The following UGT2A1 variants were observed in gnomAD, a reference collection of about 807,000 sequenced individuals.
UGT2A1 encodes the protein UDP glucuronosyltransferase family 2 member A1 complex locus.
UGT2A1 carries 61 observed loss-of-function variants against 45.4 expected under a neutral mutation model. The observed-to-expected ratio is 1.34, with a 90% CI of 1.09 to 1.66. The LOEUF (loss-of-function observed/expected upper bound fraction) is 1.66, where lower values mean the gene tolerates loss of function less well. Among genes scored for constraint, UGT2A1 ranks in the 40% most tolerant of loss-of-function variants. The pLI, the probability that UGT2A1 is intolerant of heterozygous loss-of-function variation, is 0.00. For missense variants in UGT2A1, 649 were observed against 574.3 expected, an observed-to-expected ratio of 1.13 and a Z score of -1.33; for synonymous variants, 229 against 196.2, an observed-to-expected ratio of 1.17 and a Z score of -1.40.
Position 69,594,460 on chromosome 4 carries a change from G to A in UGT2A1, c.1304+17C>T. 11 of 1,607,900 alleles carry A rather than the reference G, an allele frequency of 6.8e-6. No individual in the cohort carries two copies. The highest frequency in any genetic ancestry group is 9.3e-6 in the Non-Finnish European group (11 of 1,177,888). On this transcript the variant is annotated intron_variant, in intron 6 of 6. Transcript: ENST00000286604. ...GTAATTAAAGTTAGGCAAGTTTTTA[G>A]GAGCCTTAGTACTTACGAAGGTTCA...
chr4:69,607,811 A>G (rs1190007875), intron 3 of UGT2A1, among the ~76,000 whole-genome samples: 1 of 152,230 alleles, frequency 6.6e-6, no homozygotes, highest in African/African-American at 2.4e-5. Flanking sequence ...CAAAAGACAC[A>G]TGAAAAAATG....
At chr4:69,651,538 A>G (rs1011191490) in intron 1 of UGT2A1, among the ~76,000 whole-genome samples, 2 of 152,218 alleles carry the variant, frequency 1.3e-5, no homozygotes, top group Non-Finnish European at 2.9e-5. Context: ...TGATAATAAA[A>G]TATATACTTT....
At chr4:69,609,008 A>G (rs1719859002) in intron 3 of UGT2A1, among the ~76,000 whole-genome samples, 1 of 152,076 alleles carries the variant, frequency 6.6e-6, no homozygotes. Context: ...AAAATTATAA[A>G]GAGTATGATT....
At chr4:69,611,649 A>G (rs1720066068) in intron 3 of UGT2A1, among the ~76,000 whole-genome samples, 1 of 152,100 alleles carries the variant, frequency 6.6e-6, no homozygotes, top group African/African-American at 2.4e-5. Flanking sequence ...AAACTATGGG[A>G]TTATTTTTCA....
At chr4:69,649,678 CA>C (rs1288957872) in intron 1 of UGT2A1, among the ~76,000 whole-genome samples, 1 of 152,066 alleles carries the variant, frequency 6.6e-6, no homozygotes, top group African/African-American at 2.4e-5. Context: ...TTGTAACCAG[CA>C]AAAGACATAT....
chr4:69,608,273 A>T (rs1410711788), intron 3 of UGT2A1, among the ~76,000 whole-genome samples: 1 of 152,098 alleles, frequency 6.6e-6, no homozygotes. Flanking sequence ...CTTTGCAGGG[A>T]CATGGATGAA....
intron 2 of UGT2A1, among the ~76,000 whole-genome samples, chr4:69,637,916 C>T (rs1307093288): frequency 1.5e-5 from 2 of 136,404 alleles, no homozygotes; most frequent in African/African-American, 5.8e-5. Context: ...GGAAGGCAGG[C>T]AGGCAGGCAG....
At chr4:69,616,115 C>T (rs62306197) in intron 3 of UGT2A1, among the ~76,000 whole-genome samples, 21,314 of 151,706 alleles carry the variant, frequency 0.14, 1,700 homozygotes, top group Non-Finnish European at 0.18. Flanking sequence ...ATAAGCCAGG[C>T]GCGGAAAGAC....
At chr4:69,615,798 C>T (rs1720344374) in intron 3 of UGT2A1, among the ~76,000 whole-genome samples, 1 of 151,946 alleles carries the variant, frequency 6.6e-6, no homozygotes, top group Admixed American at 6.6e-5. Flanking sequence ...AACCCTTGTG[C>T]ACTGTTGGTG....
In UGT2A1 at chr4:69,596,670, T is replaced by C. The variant is rs374514392; in HGVS notation, c.997-1421A>G. Reference sequence around the variant, plus strand: ...CTGAGTAACTGGGATTATAGTCTCATGCCATCGTGTCTGGCTGAGTTTTGT... The same window carrying C: ...CTGAGTAACTGGGATTATAGTCTCACGCCATCGTGTCTGGCTGAGTTTTGT... On this transcript the variant is annotated intron_variant, in intron 4 of 6. Coordinates refer to ENST00000286604, the MANE Select transcript of UGT2A1 (RefSeq NM_001252275.3). Among the ~76,000 whole-genome samples, 9 of 152,266 alleles carry C rather than the reference T, an allele frequency of 5.9e-5. No individual in the cohort carries two copies. The South Asian group carries it at 6.2e-4, about 11-fold the overall frequency.
At chr4:69,612,307 C>A (rs866444099) in intron 3 of UGT2A1, among the ~76,000 whole-genome samples, 1 of 151,948 alleles carries the variant, frequency 6.6e-6, no homozygotes, top group Non-Finnish European at 1.5e-5. Context: ...AAATCAGTAT[C>A]GTTAAAATGG....
rs1409689683 is a variant in UGT2A1 at position 69,588,570 on chromosome 4, AATG to A, written c.*799_*801del. ...TACAGTTGACTAAAAATTTTATAAAAATGATAATTATTTTCTAGATTTCTAATT... is the reference window on the plus strand; with the variant it reads ...TACAGTTGACTAAAAATTTTATAAAAATAATTATTTTCTAGATTTCTAATT... On this transcript the variant is annotated 3_prime_UTR_variant, in exon 7 of 7. Transcript: ENST00000286604. 3 of 152,118 alleles carry A rather than the reference AATG, an allele frequency of 2.0e-5. No individual in the cohort carries two copies. Among genetic ancestry groups the A allele is most frequent in the African/African-American group, 7.2e-5 (3 of 41,454 alleles). The allele number at this position is 152,118 out of a possible 1,614,324, so 9.4% of individuals were successfully genotyped here. A position where few individuals can be genotyped will look rare whatever the true frequency, so the allele number is the denominator to read the frequency against.
At chr4:69,629,811 C>A in intron 3 of UGT2A1, among the ~76,000 whole-genome samples, 1 of 152,036 alleles carries the variant, frequency 6.6e-6, no homozygotes, top group East Asian at 1.9e-4. Flanking sequence ...GAACCATAAC[C>A]ATGAGCCTAG....
intron 2 of UGT2A1, among the ~76,000 whole-genome samples, 156 bp from the exon 3 acceptor site, chr4:69,635,978 A>C (rs1721682132): frequency 6.6e-6 from 1 of 152,048 alleles, no homozygotes; most frequent in Admixed American, 6.6e-5. Context: ...AATTCCTGAT[A>C]TCCCTGTTCC....
intron 3 of UGT2A1, among the ~76,000 whole-genome samples, chr4:69,600,865 G>C (rs1296538974): frequency 1.3e-5 from 2 of 151,752 alleles, no homozygotes; most frequent in African/African-American, 4.8e-5. Context: ...AGAGTACCAA[G>C]GGAGGATGGC....
intron 4 of UGT2A1, among the ~76,000 whole-genome samples, chr4:69,595,458 T>C (rs1437793999): frequency 6.6e-6 from 1 of 152,254 alleles, no homozygotes; most frequent in Admixed American, 6.5e-5. Flanking sequence ...TATAGTATTA[T>C]TGTTTTGATA....
intron 1 of UGT2A1, 33 bp downstream of exon 1, chr4:69,653,155 T>C (rs553749758): frequency 6.6e-6 from 1 of 152,320 alleles, no homozygotes; most frequent in African/African-American, 2.4e-5. Context: ...ATACATTTTA[T>C]ATTGATTATC....
In UGT2A1 at chr4:69,646,828, T is replaced by C. The variant is rs952426723; in HGVS notation, c.715+102A>G. The C allele has an allele frequency of 3.9e-6, 3 of 776,352 alleles. No individual in the cohort carries two copies. The African/African-American group carries it at 5.3e-5, about 14-fold the overall frequency. The allele number at this position is 776,352 out of a possible 1,614,324, so 48.1% of individuals were successfully genotyped here. On this transcript the variant is annotated intron_variant, in intron 2 of 6. Transcript: ENST00000286604. Reference sequence around the variant, plus strand: ...GTGATAGTAATATATAGTACATCAATACTTGGAATTAAAAAAGAATAGACA... The same window carrying C: ...GTGATAGTAATATATAGTACATCAACACTTGGAATTAAAAAAGAATAGACA...
intron 1 of UGT2A1, among the ~76,000 whole-genome samples, chr4:69,648,653 A>G (rs1254692824): frequency 6.6e-6 from 1 of 152,010 alleles, no homozygotes; most frequent in African/African-American, 2.4e-5. Context: ...AAAGAGATTG[A>G]ATAATTTGCC....
Sources: gnomAD v4.1 joint callset for allele counts (sites outside exome capture counted in the v4.1 genomes callset) on GRCh38, gnomAD v4.1.1 for gene constraint, MANE v1.5 for transcripts, NCBI Gene and HGNC (gene_info 2026-07-23, HGNC 2026-07-21) for gene names.